The following LSM4 variants were observed in gnomAD, a reference collection of about 807,000 sequenced individuals.
LSM4 encodes the protein U6 snRNA-associated Sm-like protein LSm4.
A neutral mutation model predicts 22.3 loss-of-function variants in LSM4; 15 were observed. The observed-to-expected ratio is 0.67, with a 90% confidence interval of 0.45 to 1.03. LSM4 has a LOEUF of 1.03. Ranked by LOEUF, LSM4 falls within the 50% of genes least tolerant of loss-of-function variation. LSM4 has a pLI of 0.00. For missense variants in LSM4, 127 were observed against 198.0 expected (o/e 0.64, Z 2.15); for synonymous variants, 90 against 79.8 (o/e 1.13, Z -0.68).
At chr19:18,318,815 T>C (rs929318487) in intron 1 of LSM4, among the ~76,000 whole-genome samples, 2 of 152,252 alleles carry the variant, frequency 1.3e-5, no homozygotes, top group African/African-American at 4.8e-5. Context: ...ACACCTTCCA[T>C]GCCAGTGACA....
intron 1 of LSM4, among the ~76,000 whole-genome samples, chr19:18,317,664 A>G (rs1181230802): frequency 1.3e-5 from 2 of 151,982 alleles, no homozygotes; most frequent in Non-Finnish European, 2.9e-5. Context: ...GGGTTTTCAA[A>G]GACAGGAAGT....
intron 3 of LSM4, among the ~76,000 whole-genome samples, chr19:18,311,010 C>T (rs1818098431): frequency 6.6e-6 from 1 of 152,244 alleles, no homozygotes; most frequent in African/African-American, 2.4e-5. Context: ...CTCTCCTCCA[C>T]ACCTGGGTAG....
rs976239164 is a variant in LSM4 at position 18,307,009 on chromosome 19, C to G, written c.*455G>C. The G allele has an allele frequency of 6.3e-6, 1 of 158,712 alleles. No individual in the cohort carries two copies. Among genetic ancestry groups the G allele is most frequent in the Non-Finnish European group, 1.4e-5 (1 of 72,732 alleles). The allele number at this position is 158,712 out of a possible 1,614,324, so 9.8% of individuals were successfully genotyped here. A position where few individuals can be genotyped will look rare whatever the true frequency, so the allele number is the denominator to read the frequency against. On this transcript the variant is annotated 3_prime_UTR_variant, in exon 5 of 5. Coordinates refer to ENST00000593829, the MANE Select transcript of LSM4 (RefSeq NM_012321.5). ...CCTGCACGGTTCGAAGGCTTTCAAC[C>G]GTCCCGGGTTTGTTTTGAAGGCAAT...
At chr19:18,310,038 C>A (rs1327566443) in intron 3 of LSM4, 177 bp from the exon 4 acceptor site, 2 of 603,332 alleles carry the variant, frequency 3.3e-6, no homozygotes, top group African/African-American at 3.8e-5. Context: ...CAGGATCTGT[C>A]CTGACCCCAG....
chr19:18,322,751 C>T (rs1970438540), intron 1 of LSM4, among the ~76,000 whole-genome samples: 1 of 152,010 alleles, frequency 6.6e-6, no homozygotes, highest in Admixed American at 6.6e-5. Flanking sequence ...CTTCAGTTTC[C>T]CCACCTGCAA....
intron 1 of LSM4, among the ~76,000 whole-genome samples, chr19:18,319,165 C>A (rs1970393514): frequency 6.6e-6 from 1 of 152,030 alleles, no homozygotes; most frequent in Non-Finnish European, 1.5e-5. Flanking sequence ...TCGCTTGAAA[C>A]CAGGAGGCAG....
chr19:18,313,172 TA>T (rs1183525932), intron 2 of LSM4, among the ~76,000 whole-genome samples: 2 of 151,626 alleles, frequency 1.3e-5, no homozygotes, highest in Admixed American at 6.5e-5. Flanking sequence ...TGAGTTGAGA[TA>T]GGGGGAGGTT....
chr19:18,311,716 T>G (rs1970300702), intron 3 of LSM4, among the ~76,000 whole-genome samples: 1 of 152,048 alleles, frequency 6.6e-6, no homozygotes, highest in Non-Finnish European at 1.5e-5. Flanking sequence ...TTCTAGAGCT[T>G]CTAGCGCTGC....
At chr19:18,317,746 G>GTT (rs2148145220) in intron 1 of LSM4, among the ~76,000 whole-genome samples, 1 of 152,070 alleles carries the variant, frequency 6.6e-6, no homozygotes, top group Non-Finnish European at 1.5e-5. Flanking sequence ...GCCCAAGCTG[G>GTT]TTTTGAACTC....
At position 18,306,477 on chromosome 19, in the gene LSM4, G is replaced by C. The variant is rs1600161394; in HGVS notation, c.*987C>G. 2 of 152,352 alleles carry C rather than the reference G, an allele frequency of 1.3e-5. No homozygotes were observed. The highest frequency in any genetic ancestry group is 3.9e-4 in the East Asian group (2 of 5,172). The allele number at this position is 152,352 out of a possible 1,614,324, so 9.4% of individuals were successfully genotyped here. A position where few individuals can be genotyped will look rare whatever the true frequency, so the allele number is the denominator to read the frequency against. ...CTCAGAAAGGGGGCAGGAGCCTCGT[G>C]AGAATCTTCCATGAGCATCTTCCGA... is the stretch of plus-strand genomic sequence containing the variant. On this transcript the variant is annotated 3_prime_UTR_variant, in exon 5 of 5. Transcript: ENST00000593829.
intron 1 of LSM4, among the ~76,000 whole-genome samples, chr19:18,317,175 C>T (rs1970365797): frequency 6.6e-6 from 1 of 151,842 alleles, no homozygotes; most frequent in African/African-American, 2.4e-5. Context: ...GGGTGCACCA[C>T]CATGCCCAGC....
intron 1 of LSM4, among the ~76,000 whole-genome samples, chr19:18,321,325 CAG>C (rs1390257012): frequency 6.6e-6 from 1 of 152,218 alleles, no homozygotes; most frequent in Non-Finnish European, 1.5e-5. Context: ...AAGTACACCG[CAG>C]AGAGGGACAG....
At chr19:18,315,995 C>A in intron 2 of LSM4, 29 bp downstream of exon 2, 29 of 1,609,314 alleles carry the variant, frequency 1.8e-5, no homozygotes, top group Non-Finnish European at 2.5e-5. Flanking sequence ...CCCTCTCAAA[C>A]AGGCTTTCCC....
intron 1 of LSM4, among the ~76,000 whole-genome samples, chr19:18,320,283 G>A (rs571283564): frequency 9.2e-5 from 14 of 152,334 alleles, no homozygotes; most frequent in Admixed American, 2.0e-4. Context: ...TGAGGTGGGA[G>A]GATCGCTTGA....
At chr19:18,308,624 CAGG>C (rs902518695) in intron 4 of LSM4, among the ~76,000 whole-genome samples, 2 of 152,298 alleles carry the variant, frequency 1.3e-5, no homozygotes, top group Admixed American at 1.3e-4. Context: ...GGTCTGGGGA[CAGG>C]AGGACTGACC....
rs1021752487 is a variant in LSM4, at chr19:18,306,286, C to T, written c.*1178G>A. 1 of 152,196 alleles carries T rather than the reference C, an allele frequency of 6.6e-6. No individual in the cohort carries two copies. The allele number at this position is 152,196 out of a possible 1,614,324, so 9.4% of individuals were successfully genotyped here. A position where few individuals can be genotyped will look rare whatever the true frequency, so the allele number is the denominator to read the frequency against. ...CCAATCACCTCTCAAAATAGGTCTC[C>T]GAACGAGGACCCTGAAGAGAAGGCT... is the stretch of plus-strand genomic sequence containing the variant. On this transcript the variant is annotated 3_prime_UTR_variant, in exon 5 of 5. Coordinates refer to ENST00000593829, the MANE Select transcript of LSM4 (RefSeq NM_012321.5).
At chr19:18,310,905 C>G (rs1444323664) in intron 3 of LSM4, among the ~76,000 whole-genome samples, 1 of 152,196 alleles carries the variant, frequency 6.6e-6, no homozygotes, top group Non-Finnish European at 1.5e-5. Flanking sequence ...GGCTTGCCCC[C>G]AGAACTTTGC....
chr19:18,318,980 C>T (rs562052110), intron 1 of LSM4, among the ~76,000 whole-genome samples: 23 of 152,248 alleles, frequency 1.5e-4, no homozygotes, highest in Non-Finnish European at 2.5e-4. Flanking sequence ...CGGAGGCTCT[C>T]GCCTGTAATC....
intron 1 of LSM4, among the ~76,000 whole-genome samples, chr19:18,318,466 T>C (rs1026710497): frequency 6.6e-6 from 1 of 152,188 alleles, no homozygotes; most frequent in Non-Finnish European, 1.5e-5. Context: ...GGAGGAGGGC[T>C]GCGGGCGGCT....
Sources: gnomAD v4.1 joint callset for allele counts (sites outside exome capture counted in the v4.1 genomes callset) on GRCh38, gnomAD v4.1.1 for gene constraint, MANE v1.5 for transcripts, NCBI Gene and HGNC (gene_info 2026-07-23, HGNC 2026-07-21) for gene names.